The following SLC35A4 variants were observed in gnomAD, a reference collection of about 807,000 sequenced individuals.
The protein encoded by SLC35A4 is probable UDP-sugar transporter protein SLC35A4.
A neutral mutation model predicts 18.8 loss-of-function variants in SLC35A4; 9 were observed. The ratio of observed to expected loss-of-function variants is 0.48; its 90% CI spans 0.29 to 0.83. SLC35A4 has a LOEUF of 0.83. Ranked by LOEUF, SLC35A4 falls within the 40% of genes least tolerant of loss-of-function variation. The pLI, the probability that SLC35A4 is intolerant of heterozygous loss-of-function variation, is 0.09. For synonymous variants in SLC35A4, 189 were observed against 191.9 expected (o/e 0.98, Z 0.13); for missense variants, 404 against 415.5 (o/e 0.97, Z 0.24).
At chr5:140,565,241 T>C (rs250429) in intron 1 of SLC35A4, 158,850 of 234,670 alleles carry the variant, frequency 0.68, 54,325 homozygotes, top group East Asian at 0.81. Flanking sequence ...TTTGCATACA[T>C]TCTGAATTTC....
rs1218010059 is a variant in SLC35A4 at position 140,566,877 on chromosome 5, T to G, written c.-293T>G. Reference sequence around the variant, plus strand: ...ATCTCCAACTTTCCTGCCACCTTCATCCTTGCCTCCCTTCCTGCAGATTGT... The same window carrying G: ...ATCTCCAACTTTCCTGCCACCTTCAGCCTTGCCTCCCTTCCTGCAGATTGT... On this transcript the variant is annotated 5_prime_UTR_variant, in exon 3 of 3. Coordinates refer to ENST00000323146, the MANE Select transcript of SLC35A4 (RefSeq NM_080670.4). 4.9e-6 allele frequency: 3 copies of G among 613,812 alleles called. No homozygotes were observed. Among genetic ancestry groups the G allele is most frequent in the Non-Finnish European group, 8.7e-6 (3 of 344,068 alleles). The allele number at this position is 613,812 out of a possible 1,614,324, so 38.0% of individuals were successfully genotyped here. A position where few individuals can be genotyped will look rare whatever the true frequency, so the allele number is the denominator to read the frequency against.
chr5:140,567,927 C>T lies in SLC35A4; in HGVS notation c.758C>T (p.Ala253Val), dbSNP rs1425064068. Residue 253 changes from alanine to valine, a missense_variant, in exon 3 of 3, where the codon GCA becomes GTA. By Grantham distance (64) the Ala-to-Val change is moderately conservative. Transcript: ENST00000323146. ...CTCCTGGAAGGTTTCTCAGGATGGG[C>T]AGCACTCGTGGTGCTGAGCCAGGCA... Reference protein sequence around the residue: ...PGLLEGFSGWAALVVLSQALN... With the variant: ...PGLLEGFSGWVALVVLSQALN... 1 of 1,614,192 alleles carries T rather than the reference C, an allele frequency of 6.2e-7. No homozygotes were observed. The highest frequency in any genetic ancestry group is 2.2e-5 in the East Asian group (1 of 44,880).
rs779180626 is a variant in SLC35A4 at position 140,568,187 on chromosome 5, G to A, written c.*43G>A. 9.9e-6 allele frequency: 16 copies of A among 1,612,994 alleles called. No individual in the cohort carries two copies. The highest frequency in any genetic ancestry group is 1.4e-5 in the Non-Finnish European group (16 of 1,179,898). ...CCTGATTCCGGACCCTGTAGATTGG[G>A]CGCCACCACCAGATCCCCCTCCCAG... is the stretch of plus-strand genomic sequence containing the variant. On this transcript the variant is annotated 3_prime_UTR_variant, in exon 3 of 3. Coordinates refer to ENST00000323146, the MANE Select transcript of SLC35A4 (RefSeq NM_080670.4).
chr5:140,568,654 A>T lies in SLC35A4; in HGVS notation c.*510A>T, dbSNP rs1317890474. 5.3e-6 allele frequency: 1 copy of T among 187,524 alleles called. No homozygotes were observed. The allele number at this position is 187,524 out of a possible 1,614,324, so 11.6% of individuals were successfully genotyped here. A position where few individuals can be genotyped will look rare whatever the true frequency, so the allele number is the denominator to read the frequency against. On this transcript the variant is annotated 3_prime_UTR_variant, in exon 3 of 3. Coordinates refer to ENST00000323146, the MANE Select transcript of SLC35A4 (RefSeq NM_080670.4). ...AGAAGGCCCAGTTGCCACAGATTATACAACCATTACCCAAACCACTCTGAC... is the reference window on the plus strand; with the variant it reads ...AGAAGGCCCAGTTGCCACAGATTATTCAACCATTACCCAAACCACTCTGAC...
Position 140,566,736 on chromosome 5 carries a change from C to T in SLC35A4, c.-434C>T. 1.7e-6 allele frequency: 1 copy of T among 592,112 alleles called. No individual in the cohort carries two copies. Among genetic ancestry groups the T allele is most frequent in the Non-Finnish European group, 3.0e-6 (1 of 333,066 alleles). 36.7% of individuals were successfully genotyped at this position (592,112 alleles called of 1,614,324 possible). A position where few individuals can be genotyped will look rare whatever the true frequency, so the allele number is the denominator to read the frequency against. On this transcript the variant is annotated 5_prime_UTR_variant, in exon 3 of 3. It introduces an in-frame stop codon into an upstream open reading frame of the 5' UTR. Coordinates refer to ENST00000323146, the MANE Select transcript of SLC35A4 (RefSeq NM_080670.4). The stretch of plus-strand genomic sequence containing the variant: ...GGAGAAGACATTAAGGGACTATTTG[C>T]AGTTGCTACGCAAGGGGCCCGACTA...
intron 2 of SLC35A4, 82 bp downstream of exon 2, chr5:140,566,053 T>A (rs1346626155): frequency 5.0e-6 from 2 of 398,018 alleles, no homozygotes; most frequent in Non-Finnish European, 8.9e-6. Context: ...TGGTAGAGAT[T>A]TCTTCAGCAA....
rs1159813366 is a variant in SLC35A4 at position 140,566,746 on chromosome 5, G to T, written c.-424G>T. The stretch of plus-strand genomic sequence containing the variant: ...TTAAGGGACTATTTGCAGTTGCTAC[G>T]CAAGGGGCCCGACTAGCTCTAGGTG... On this transcript the variant is annotated 5_prime_UTR_variant, in exon 3 of 3. Transcript: ENST00000323146. The T allele has an allele frequency of 5.1e-6, 3 of 592,412 alleles. No homozygotes were observed. In the African/African-American group the frequency reaches 5.6e-5, roughly 11 times the overall value. The allele number at this position is 592,412 out of a possible 1,614,324, so 36.7% of individuals were successfully genotyped here.
intron 1 of SLC35A4, chr5:140,565,225 C>CA (rs1755156758): frequency 3.7e-6 from 1 of 273,774 alleles, no homozygotes; most frequent in Non-Finnish European, 6.8e-6. Flanking sequence ...CTCATTCAAA[C>CA]ACTCCTTTGC....
At chr5:140,565,152 T>C (rs532392290) in intron 1 of SLC35A4, 93 of 363,212 alleles carry the variant, frequency 2.6e-4, no homozygotes, top group Admixed American at 2.3e-3. Flanking sequence ...CCCCATTCCC[T>C]AGCTCCCGAA....
chr5:140,567,613 G>C lies in SLC35A4; in HGVS notation c.444G>C (p.Leu148=). 6.2e-7 allele frequency: 1 copy of C among 1,614,218 alleles called. No individual in the cohort carries two copies. The highest frequency in any genetic ancestry group is 1.3e-5 in the African/African-American group (1 of 75,076). Residue 148 remains leucine, a synonymous_variant, in exon 3 of 3, where the codon CTG becomes CTC. Transcript: ENST00000323146. ...LSVRQGLALL[L]LMAAGACYAA... ...TGCGTCAGGGGTTAGCGCTGCTGCT[G>C]CTGATGGCTGCGGGAGCCTGCTATG... is the stretch of plus-strand genomic sequence containing the variant.
At chr5:140,565,612 T>TA in intron 1 of SLC35A4, 1 of 271,690 alleles carries the variant, frequency 3.7e-6, no homozygotes, top group Non-Finnish European at 6.8e-6. Flanking sequence ...CTTTCCTACA[T>TA]ACTGCTTGCT....
intron 2 of SLC35A4, among the ~76,000 whole-genome samples, chr5:140,566,194 G>T (rs1199581993): frequency 1.3e-5 from 2 of 152,204 alleles, no homozygotes; most frequent in African/African-American, 4.8e-5. Flanking sequence ...AACAGCATAT[G>T]TAAAGGCCTT....
In SLC35A4 at chr5:140,568,807, AG is replaced by A. The variant is rs1444147536; in HGVS notation, c.*664del. The A allele has an allele frequency of 6.0e-6, 1 of 167,584 alleles. No homozygotes were observed. Among genetic ancestry groups the A allele is most frequent in the African/African-American group, 2.4e-5 (1 of 41,446 alleles). 10.4% of individuals were successfully genotyped at this position (167,584 alleles called of 1,614,324 possible). A position where few individuals can be genotyped will look rare whatever the true frequency, so the allele number is the denominator to read the frequency against. ...GGGCTTGACTCATCTCAGGGAATGT[AG>A]CCCCTGGGCCCTGGCTTAAGCCGAC... is the stretch of plus-strand genomic sequence containing the variant. On this transcript the variant is annotated 3_prime_UTR_variant, in exon 3 of 3. Transcript: ENST00000323146.
Position 140,568,317 on chromosome 5 carries a change from G to A in SLC35A4, c.*173G>A, listed in dbSNP as rs921759027. ...TTCTCTGGAGGTTGGTGGATGAAGG[G>A]GTACCCCTAGGAGATGTGAAGTGTG... On this transcript the variant is annotated 3_prime_UTR_variant, in exon 3 of 3. Coordinates refer to ENST00000323146, the MANE Select transcript of SLC35A4 (RefSeq NM_080670.4). 4.0e-6 allele frequency: 4 copies of A among 1,005,148 alleles called. No homozygotes were observed. The highest frequency in any genetic ancestry group is 2.1e-4 in the Middle Eastern group (1 of 4,668). The allele number at this position is 1,005,148 out of a possible 1,614,324, so 62.3% of individuals were successfully genotyped here.
Position 140,568,234 on chromosome 5 carries a change from G to A in SLC35A4, c.*90G>A. On this transcript the variant is annotated 3_prime_UTR_variant, in exon 3 of 3. Coordinates refer to ENST00000323146, the MANE Select transcript of SLC35A4 (RefSeq NM_080670.4). ...CCAGGCCTTCCTCCCTCTCCCATCA[G>A]CAGCCCTGTAACAAGTGCCTTGTGA... is the stretch of plus-strand genomic sequence containing the variant. 2 of 1,595,804 alleles carry A rather than the reference G, an allele frequency of 1.3e-6. No individual in the cohort carries two copies. The highest frequency in any genetic ancestry group is 1.7e-6 in the Non-Finnish European group (2 of 1,168,342).
chr5:140,567,189 G>T lies in SLC35A4; in HGVS notation c.20G>T (p.Gly7Val). The T allele has an allele frequency of 1.2e-6, 2 of 1,614,204 alleles. No individual in the cohort carries two copies. The highest frequency in any genetic ancestry group is 1.7e-6 in the Non-Finnish European group (2 of 1,180,020). The change falls in exon 3 of 3, where the codon GGT becomes GTT. Residue 7 changes from glycine (G) to valine (V), a missense_variant. Transcript: ENST00000323146. ...GTGGGTATGAGTGTAGAGGATGGGGGTATGCCAGGCCTGGGCCGTCCCAGG... is the reference window on the plus strand; with the variant it reads ...GTGGGTATGAGTGTAGAGGATGGGGTTATGCCAGGCCTGGGCCGTCCCAGG... Reference protein sequence around the residue: MSVEDGGMPGLGRPRQA... With the variant: MSVEDGVMPGLGRPRQA...
At position 140,568,662 on chromosome 5, in the gene SLC35A4, T is replaced by TA. The variant is rs904247342; in HGVS notation, c.*519dup. On this transcript the variant is annotated 3_prime_UTR_variant, in exon 3 of 3. Coordinates refer to ENST00000323146, the MANE Select transcript of SLC35A4 (RefSeq NM_080670.4). ...CAGTTGCCACAGATTATACAACCAT[T>TA]ACCCAAACCACTCTGACAGTCTCCT... The TA allele has an allele frequency of 5.5e-6, 1 of 181,498 alleles. No homozygotes were observed. Among genetic ancestry groups the TA allele is most frequent in the African/African-American group, 2.4e-5 (1 of 41,522 alleles). The allele number at this position is 181,498 out of a possible 1,614,324, so 11.2% of individuals were successfully genotyped here. A position where few individuals can be genotyped will look rare whatever the true frequency, so the allele number is the denominator to read the frequency against.
Position 140,568,491 on chromosome 5 carries a change from TGAAAGTGG to T in SLC35A4, c.*349_*356del. The stretch of plus-strand genomic sequence containing the variant: ...CTTTGTCCTGCATGAACAGAGTTGA[TGAAAGTGG>T]GGTGTGGGCAACAAGTGGCTTTCCT... On this transcript the variant is annotated 3_prime_UTR_variant, in exon 3 of 3. Transcript: ENST00000323146. The T allele has an allele frequency of 3.1e-6, 1 of 319,006 alleles. No individual in the cohort carries two copies. 19.8% of individuals were successfully genotyped at this position (319,006 alleles called of 1,614,324 possible).
Position 140,568,574 on chromosome 5 carries a change from C to T in SLC35A4, c.*430C>T, listed in dbSNP as rs79928329. The T allele has an allele frequency of 3.1e-3, 788 of 250,542 alleles. 4 individuals carry two copies. Among genetic ancestry groups the T allele is most frequent in the African/African-American group, 0.017 (746 of 43,288 alleles). The allele number at this position is 250,542 out of a possible 1,614,324, so 15.5% of individuals were successfully genotyped here. On this transcript the variant is annotated 3_prime_UTR_variant, in exon 3 of 3. Transcript: ENST00000323146. The stretch of plus-strand genomic sequence containing the variant: ...GCCACTGGAGCTGGCTAGTCCAGCC[C>T]AGCCATGGTGCATGACTCTTCCATA...
Sources: gnomAD v4.1 joint callset for allele counts (sites outside exome capture counted in the v4.1 genomes callset) on GRCh38, gnomAD v4.1.1 for gene constraint, MANE v1.5 for transcripts, NCBI Gene and HGNC (gene_info 2026-07-23, HGNC 2026-07-21) for gene names.